The following ULK4 variants were observed in gnomAD, a reference collection of about 807,000 sequenced individuals.
ULK4 encodes inactive serine/threonine-protein kinase ULK4.
In ULK4, 133 loss-of-function variants were observed where a neutral mutation model predicts 160.6. The observed-to-expected ratio is 0.83, with a 90% confidence interval of 0.72 to 0.96. The LOEUF (loss-of-function observed/expected upper bound fraction) is 0.96, where lower values mean the gene tolerates loss of function less well. Among genes scored for constraint, ULK4 ranks in the 40% least tolerant of loss-of-function variants. The probability of loss-of-function intolerance (pLI) is 0.00; values close to 1 mark genes in which losing one functional copy is unlikely to be tolerated. For synonymous variants in ULK4, 534 were observed against 539.8 expected (o/e 0.99, Z 0.15); for missense variants, 1,580 against 1,499.5 (o/e 1.05, Z -0.89).
intron 32 of ULK4, among the ~76,000 whole-genome samples, chr3:41,540,427 C>T (rs1273912847): frequency 6.6e-6 from 1 of 152,170 alleles, no homozygotes; most frequent in East Asian, 1.9e-4. Flanking sequence ...TTTCTTTATC[C>T]ATTCCATCAC....
chr3:41,469,381 A>G (rs2125884680), intron 32 of ULK4, among the ~76,000 whole-genome samples: 1 of 151,566 alleles, frequency 6.6e-6, no homozygotes, highest in Non-Finnish European at 1.5e-5. Context: ...CAAAGAATAT[A>G]CTCCTGTGGC....
chr3:41,306,818 C>T (rs1291893429), intron 35 of ULK4, among the ~76,000 whole-genome samples: 5 of 151,912 alleles, frequency 3.3e-5, no homozygotes, highest in South Asian at 2.1e-4. Context: ...CTTCTTCTGC[C>T]GTGGGATCCT....
At chr3:41,688,502 A>G (rs1398753396) in intron 27 of ULK4, among the ~76,000 whole-genome samples, 1 of 152,222 alleles carries the variant, frequency 6.6e-6, no homozygotes, top group African/African-American at 2.4e-5. Flanking sequence ...CATCACTGCT[A>G]TAACTCTATT....
At chr3:41,905,474 C>T (rs1698519857) in intron 12 of ULK4, among the ~76,000 whole-genome samples, 1 of 151,780 alleles carries the variant, frequency 6.6e-6, no homozygotes, top group African/African-American at 2.4e-5. Flanking sequence ...GCAAAAAACA[C>T]AAACGAAAAA....
At chr3:41,767,098 A>G (rs1031637350) in intron 21 of ULK4, among the ~76,000 whole-genome samples, 6 of 152,238 alleles carry the variant, frequency 3.9e-5, no homozygotes, top group African/African-American at 1.2e-4. Flanking sequence ...TATACTCATT[A>G]GCAGGTGGAT....
intron 32 of ULK4, among the ~76,000 whole-genome samples, chr3:41,559,183 A>G (rs559298573): frequency 6.8e-6 from 1 of 148,038 alleles, no homozygotes; most frequent in East Asian, 2.0e-4. Flanking sequence ...AGCTTCATCC[A>G]TGTCCCTACA....
At chr3:41,483,028 C>T (rs2084382786) in intron 32 of ULK4, among the ~76,000 whole-genome samples, 1 of 152,106 alleles carries the variant, frequency 6.6e-6, no homozygotes, top group South Asian at 2.1e-4. Context: ...TCTAATTATA[C>T]TCTTAGTTCT....
chr3:41,278,077 G>A (rs1184872077), intron 35 of ULK4: 1 of 152,244 alleles, frequency 6.6e-6, no homozygotes. Context: ...AAAAAAACGG[G>A]ACACTCCTGC....
chr3:41,562,313 G>A (rs2087613609), intron 32 of ULK4, among the ~76,000 whole-genome samples: 1 of 152,214 alleles, frequency 6.6e-6, no homozygotes, highest in Non-Finnish European at 1.5e-5. Flanking sequence ...AGTGTGAGGT[G>A]GGGCTGAGGA....
At chr3:41,483,404 C>T (rs1449892664) in intron 32 of ULK4, among the ~76,000 whole-genome samples, 2 of 152,094 alleles carry the variant, frequency 1.3e-5, no homozygotes, top group East Asian at 1.9e-4. Flanking sequence ...CTCTCTTTCC[C>T]CATCCCCACC....
At chr3:41,342,911 A>T (rs1315643731) in intron 35 of ULK4, among the ~76,000 whole-genome samples, 1 of 152,246 alleles carries the variant, frequency 6.6e-6, no homozygotes, top group Non-Finnish European at 1.5e-5. Flanking sequence ...AAACAGAACT[A>T]AAGACAAAAA....
At chr3:41,949,072 C>T (rs1349027239) in intron 2 of ULK4, among the ~76,000 whole-genome samples, 7 of 151,630 alleles carry the variant, frequency 4.6e-5, no homozygotes, top group East Asian at 1.9e-4. Flanking sequence ...TTTTGGAGGC[C>T]AAGGTGGGCA....
intron 35 of ULK4, among the ~76,000 whole-genome samples, chr3:41,397,177 G>C (rs191889382): frequency 1.3e-5 from 2 of 152,254 alleles, no homozygotes; most frequent in Admixed American, 1.3e-4. Flanking sequence ...ACTGTAAATA[G>C]TGGCCTTCAA....
chr3:41,445,476 C>A (rs1223131868), intron 34 of ULK4, among the ~76,000 whole-genome samples: 1 of 152,106 alleles, frequency 6.6e-6, no homozygotes, highest in African/African-American at 2.4e-5. Flanking sequence ...TCAAACTATG[C>A]TACAAGGCTA....
At chr3:41,652,523 G>A (rs533560670) in intron 30 of ULK4, among the ~76,000 whole-genome samples, 2 of 152,290 alleles carry the variant, frequency 1.3e-5, no homozygotes, top group Admixed American at 1.3e-4. Flanking sequence ...TGTTGTTTAA[G>A]TCATAAGCCA....
chr3:41,625,609 A>G (rs1410755225), intron 30 of ULK4, among the ~76,000 whole-genome samples: 1 of 152,224 alleles, frequency 6.6e-6, no homozygotes, highest in African/African-American at 2.4e-5. Context: ...GAGAATTATC[A>G]GACAACAAGT....
At chr3:41,459,863 G>A (rs890790114) in intron 33 of ULK4, among the ~76,000 whole-genome samples, 2 of 152,142 alleles carry the variant, frequency 1.3e-5, no homozygotes, top group Admixed American at 6.6e-5. Flanking sequence ...CCTGGGGCTC[G>A]ACTGTATAAG....
At chr3:41,515,639 C>T (rs566316523) in intron 32 of ULK4, among the ~76,000 whole-genome samples, 60 of 152,184 alleles carry the variant, frequency 3.9e-4, no homozygotes, top group African/African-American at 1.2e-3. Flanking sequence ...AGGAGAGAGA[C>T]GGAGTGCCAG....
chr3:41,429,491 A>T (rs2082854075), intron 34 of ULK4, among the ~76,000 whole-genome samples: 1 of 152,208 alleles, frequency 6.6e-6, no homozygotes. Flanking sequence ...AAAGACATGG[A>T]ATCAACACAA....
Sources: gnomAD v4.1 joint callset for allele counts (sites outside exome capture counted in the v4.1 genomes callset) on GRCh38, gnomAD v4.1.1 for gene constraint, MANE v1.5 for transcripts, NCBI Gene and HGNC (gene_info 2026-07-23, HGNC 2026-07-21) for gene names.